Variants in ACOT11 observed in about 807,000 individuals in gnomAD.
ACOT11 encodes the protein acyl-coenzyme A thioesterase 11.
ACOT11 carries 69 observed loss-of-function variants against 77.5 expected under a neutral mutation model. The ratio of observed to expected loss-of-function variants is 0.89; its 90% CI spans 0.73 to 1.09. The LOEUF is 1.09. Ranked by LOEUF, ACOT11 falls within the 50% of genes least tolerant of loss-of-function variation. ACOT11 has a pLI of 0.00. For synonymous variants in ACOT11, 279 were observed against 313.0 expected, an observed-to-expected ratio of 0.89 and a Z score of 1.15; for missense variants, 766 against 813.7, an observed-to-expected ratio of 0.94 and a Z score of 0.71.
chr1:54,550,730 G>C (rs1353012405), intron 1 of ACOT11, among the ~76,000 whole-genome samples: 1 of 151,404 alleles, frequency 6.6e-6, no homozygotes, highest in Non-Finnish European at 1.5e-5. Flanking sequence ...GAGGTGGGAG[G>C]ATCACTTGAG....
At chr1:54,562,600 A>C (rs1354165593) in intron 1 of ACOT11, among the ~76,000 whole-genome samples, 9 of 142,474 alleles carry the variant, frequency 6.3e-5, no homozygotes, top group African/African-American at 2.1e-4. Flanking sequence ...GAGGCTCCTC[A>C]CTTCTCAGAT....
In ACOT11 at chr1:54,609,295, G is replaced by A. The variant is rs1644080610; in HGVS notation, c.*183G>A. 1 of 1,609,026 alleles carries A rather than the reference G, an allele frequency of 6.2e-7. No individual in the cohort carries two copies. On this transcript the variant is annotated 3_prime_UTR_variant, in exon 16 of 16. Transcript: ENST00000343744. ...AGTTTCTACCAACATGAGCCAGCAAGTCCTTGTGGTAGCCCTGGGGTAGCC... is the reference window on the plus strand; with the variant it reads ...AGTTTCTACCAACATGAGCCAGCAAATCCTTGTGGTAGCCCTGGGGTAGCC...
intron 15 of ACOT11, chr1:54,623,483 G>T: frequency 2.2e-6 from 2 of 919,780 alleles, no homozygotes; most frequent in Non-Finnish European, 1.8e-6. Context: ...GGAGGCAGGA[G>T]CTCCCAGCAG....
At chr1:54,557,839 T>C (rs1653320547) in intron 1 of ACOT11, among the ~76,000 whole-genome samples, 1 of 152,208 alleles carries the variant, frequency 6.6e-6, no homozygotes, top group Non-Finnish European at 1.5e-5. Flanking sequence ...TTTAACTTCC[T>C]TCTTTCCAAT....
In ACOT11 at chr1:54,625,939, C is replaced by CA. The variant is rs55726397; in HGVS notation, c.1630-4781dup. Among the ~76,000 whole-genome samples, 663 of 107,238 alleles carry CA rather than the reference C, an allele frequency of 6.2e-3. 6 individuals are homozygous for CA. The highest frequency in any genetic ancestry group is 0.019 in the African/African-American group (500 of 26,904). The allele number at this position is 107,238 out of a possible 152,430, so 70.4% of individuals were successfully genotyped here. A position where few individuals can be genotyped will look rare whatever the true frequency, so the allele number is the denominator to read the frequency against. ...GGGCAACAAGAGTGAAACTCTGTCT[C>CA]AAAAAAAAAAAAAAGAAAGAAAGAA... On this transcript the variant is annotated intron_variant, in intron 15 of 16. Transcript: ENST00000371316.
At chr1:54,632,360 G>A (rs1056533909) in intron 16 of ACOT11, among the ~76,000 whole-genome samples, 2 of 152,208 alleles carry the variant, frequency 1.3e-5, no homozygotes, top group African/African-American at 4.8e-5. Context: ...TTCTGCCTGC[G>A]GAACCCCGGC....
At position 54,608,029 on chromosome 1, in the gene ACOT11, A is replaced by C; in HGVS notation, c.1590A>C (p.Ser530=). Reference sequence around the variant, plus strand: ...ACAGACGCGGAGAGACCCTCTGCTCAGGCTTCTGCCTCTGGCGCGAGGGGG... The same window carrying C: ...ACAGACGCGGAGAGACCCTCTGCTCCGGCTTCTGCCTCTGGCGCGAGGGGG... ...PEYRRGETLC[S]GFCLWREGDQ... Residue 530 remains serine (S), a synonymous_variant, in exon 15 of 16, where the codon TCA becomes TCC. Coordinates refer to ENST00000343744, the MANE Select transcript of ACOT11 (RefSeq NM_147161.4). 2 of 1,612,528 alleles carry C rather than the reference A, an allele frequency of 1.2e-6. No individual in the cohort carries two copies.
At chr1:54,610,989 T>G (rs977040109), downstream of ACOT11, 9 of 985,266 alleles carry the variant, frequency 9.1e-6, no homozygotes, top group Non-Finnish European at 1.1e-5. Flanking sequence ...TAACCAGCAG[T>G]GGAGCTATGC....
chr1:54,634,903 A>G (rs909864506), exon 17 of ACOT11: 4 of 511,482 alleles, frequency 7.8e-6, no homozygotes, highest in Non-Finnish European at 1.4e-5. Flanking sequence ...AGATGGCGGA[A>G]GAAAACCTGA....
intron 15 of ACOT11, chr1:54,616,210 T>TA (rs754835314): frequency 9.0e-6 from 14 of 1,555,306 alleles, no homozygotes; most frequent in Middle Eastern, 1.7e-4. Flanking sequence ...TTCCTTTTTT[T>TA]AAAAAAAGAA....
In ACOT11 at chr1:54,607,167, C is replaced by T. The variant is rs144985249; in HGVS notation, c.1404C>T (p.Asp468=). 1.9e-4 allele frequency: 310 copies of T among 1,614,148 alleles called. 2 individuals are homozygous for T. Among genetic ancestry groups the T allele is most frequent in the South Asian group, 1.2e-3 (110 of 91,080 alleles). Residue 468 remains aspartate (D), a synonymous_variant, in exon 14 of 16, where the codon GAC becomes GAT. Coordinates refer to ENST00000343744, the MANE Select transcript of ACOT11 (RefSeq NM_147161.4). This position sits in a 1 kb window ranked among gnomAD's most constrained non-coding sequence, Gnocchi z 4.5. ...SVELVQQVDE[D]DAIYHVTSPA... ...AGCTAGTGCAGCAGGTAGACGAGGA[C>T]GACGCCATCTACCACGTCACCAGCC...
chr1:54,581,995 G>C (rs1416239121), intron 1 of ACOT11, among the ~76,000 whole-genome samples: 1 of 152,240 alleles, frequency 6.6e-6, no homozygotes, highest in East Asian at 1.9e-4. Context: ...CTCTGTCCCT[G>C]CTGCCTGTGC....
intron 1 of ACOT11, among the ~76,000 whole-genome samples, chr1:54,562,496 A>G (rs1311395892): frequency 2.1e-5 from 1 of 46,946 alleles, no homozygotes; most frequent in Non-Finnish European, 4.1e-5. Flanking sequence ...CGGGGGGCTG[A>G]CCCCCCCACC....
chr1:54,581,895 C>G (rs1332481320), intron 1 of ACOT11, among the ~76,000 whole-genome samples: 1 of 152,206 alleles, frequency 6.6e-6, no homozygotes, highest in African/African-American at 2.4e-5. Context: ...GACTAGGAGG[C>G]CTGGCCTGGC....
chr1:54,600,347 A>G (rs1401049219), intron 8 of ACOT11, among the ~76,000 whole-genome samples: 1 of 152,094 alleles, frequency 6.6e-6, no homozygotes, highest in Non-Finnish European at 1.5e-5. Context: ...AGAACTTCCA[A>G]AGTGAGGGGG....
At chr1:54,604,665 G>A (rs1644004043) in intron 12 of ACOT11, among the ~76,000 whole-genome samples, 1 of 152,078 alleles carries the variant, frequency 6.6e-6, no homozygotes. Flanking sequence ...AACCACTCAG[G>A]TCTGCTGCTG....
exon 17 of ACOT11, chr1:54,638,839 G>A (rs1304550516): frequency 2.0e-5 from 3 of 152,144 alleles, no homozygotes; most frequent in Non-Finnish European, 2.9e-5. Context: ...TTTCTTGAAG[G>A]AAGGTAGCAG....
rs184857957 is a variant in ACOT11, at chr1:54,568,098, G to A, written c.34-16557G>A. On this transcript the variant is annotated intron_variant, in intron 1 of 15. Transcript: ENST00000343744. ...TGACAGCCGGTCCCTGCGCTTCCTTGGGGTTTTTGCACTGTCTGTTCTCTT... is the reference window on the plus strand; with the variant it reads ...TGACAGCCGGTCCCTGCGCTTCCTTAGGGTTTTTGCACTGTCTGTTCTCTT... Among the ~76,000 whole-genome samples the A allele has an allele frequency of 6.4e-4, 97 of 152,182 alleles. 1 individual carries two copies. Among genetic ancestry groups the A allele is most frequent in the African/African-American group, 2.3e-3 (95 of 41,512 alleles).
intron 1 of ACOT11, among the ~76,000 whole-genome samples, chr1:54,552,830 GTTTTT>G (rs199905803): frequency 1.5e-5 from 2 of 132,288 alleles, no homozygotes; most frequent in Non-Finnish European, 3.2e-5. Context: ...TTTTTGTTTT[GTTTTT>G]TTTTTTTTTG....
Sources: allele counts gnomAD v4.1 joint callset (sites outside exome capture counted in the v4.1 genomes callset), GRCh38; gene constraint gnomAD v4.1.1; non-coding constraint Gnocchi (gnomAD v3.1); transcripts MANE v1.5; gene names NCBI Gene and HGNC (gene_info 2026-07-23, HGNC 2026-07-21).